RANBP2: variants seen among roughly 807,000 people sequenced by gnomAD.
RANBP2 encodes the protein RAN binding protein 2.
A neutral mutation model predicts 303.6 loss-of-function variants in RANBP2; 57 were observed. The ratio of observed to expected loss-of-function variants is 0.19; its 90% confidence interval spans 0.15 to 0.23. The LOEUF is 0.23. Among genes scored for constraint, RANBP2 ranks in the 10% least tolerant of loss-of-function variants. The pLI, the probability that RANBP2 is intolerant of heterozygous loss-of-function variation, is 1.00. For synonymous variants in RANBP2, 1,167 were observed against 1,301.5 expected, an observed-to-expected ratio of 0.90 and a Z score of 2.23; for missense variants, 3,138 against 3,780.8, an observed-to-expected ratio of 0.83 and a Z score of 4.46.
chr2:109,374,860 A>G, the RANBP2 span, among the ~76,000 whole-genome samples: 1 of 152,174 alleles, frequency 6.6e-6, no homozygotes, highest in Non-Finnish European at 1.5e-5. Flanking sequence ...CCATCAGCGC[A>G]GCTCAGGCCA....
the RANBP2 span, among the ~76,000 whole-genome samples, chr2:109,668,839 C>T: frequency 6.6e-6 from 1 of 152,102 alleles, no homozygotes; most frequent in Non-Finnish European, 1.5e-5. Flanking sequence ...AATTGGAACC[C>T]TCCTAGCCCA....
the RANBP2 span, among the ~76,000 whole-genome samples, chr2:109,197,831 A>G: frequency 6.6e-6 from 1 of 152,090 alleles, no homozygotes; most frequent in Non-Finnish European, 1.5e-5. Flanking sequence ...TTGGGGAGGA[A>G]CTCCAGGAGA....
chr2:109,412,816 G>A, the RANBP2 span, among the ~76,000 whole-genome samples: 9 of 152,366 alleles, frequency 5.9e-5, no homozygotes, highest in African/African-American at 2.2e-4. Flanking sequence ...GCAAAGTTAT[G>A]GTTTGGTATG....
At chr2:109,128,996 C>T in the RANBP2 span, 1 of 425,972 alleles carries the variant, frequency 2.3e-6, no homozygotes, top group Non-Finnish European at 4.7e-6. Context: ...GTGCTCGCGG[C>T]CGAGGAAGAG....
the RANBP2 span, chr2:109,432,767 G>T: frequency 4.1e-6 from 6 of 1,457,982 alleles, no homozygotes; most frequent in African/African-American, 1.4e-5. Flanking sequence ...TGTCAGCCGG[G>T]CCCAGAAGGC....
chr2:109,124,101 C>T, the RANBP2 span, among the ~76,000 whole-genome samples: 1 of 152,092 alleles, frequency 6.6e-6, no homozygotes, highest in Non-Finnish European at 1.5e-5. Context: ...GCCTCCACCT[C>T]CCGGGTTCAA....
the RANBP2 span, among the ~76,000 whole-genome samples, chr2:109,679,632 C>T: frequency 1.3e-4 from 20 of 152,152 alleles, no homozygotes; most frequent in African/African-American, 4.8e-4. Flanking sequence ...TACTTGGCTT[C>T]AAGACTCCTT....
At chr2:109,032,581 C>G in the RANBP2 span, among the ~76,000 whole-genome samples, 7 of 152,034 alleles carry the variant, frequency 4.6e-5, no homozygotes, top group Admixed American at 4.6e-4. Flanking sequence ...TTTCTCCCCT[C>G]CCCATGGGGT....
the RANBP2 span, among the ~76,000 whole-genome samples, chr2:109,726,079 GTGTGTGTGTGTGTGTGTGTT>G: frequency 3.3e-5 from 5 of 151,314 alleles, no homozygotes; most frequent in Admixed American, 3.3e-4. Context: ...GTGTGTGTGT[GTGTGTGTGTGTGTGTGTGTT>G]TGTGTTTTCC....
At chr2:108,962,768 G>A in the RANBP2 span, among the ~76,000 whole-genome samples, 7 of 149,686 alleles carry the variant, frequency 4.7e-5, no homozygotes, top group Admixed American at 1.3e-4. Context: ...TGACACCATC[G>A]CACACACACC....
the RANBP2 span, among the ~76,000 whole-genome samples, chr2:109,257,254 C>T: frequency 6.6e-6 from 1 of 152,096 alleles, no homozygotes. Context: ...GTTGTTCGTT[C>T]TGTGGCCAGG....
At chr2:109,423,320 G>T in the RANBP2 span, among the ~76,000 whole-genome samples, 2,280 of 152,256 alleles carry the variant, frequency 0.015, 60 homozygotes, top group African/African-American at 0.052. Flanking sequence ...CATGTGAGAC[G>T]TGCTCTCTGT....
the RANBP2 span, among the ~76,000 whole-genome samples, chr2:109,287,796 G>T: frequency 2.0e-5 from 3 of 152,096 alleles, no homozygotes; most frequent in East Asian, 1.9e-4. Context: ...TTAAAGCTTC[G>T]CACTGTTGCC....
intron 17 of RANBP2, among the ~76,000 whole-genome samples, chr2:108,758,170 G>A (rs1206047392): frequency 6.6e-6 from 1 of 151,860 alleles, no homozygotes; most frequent in East Asian, 1.9e-4. Context: ...GCTGGCTGAC[G>A]CCTGTAATCC....
intron 1 of RANBP2, among the ~76,000 whole-genome samples, chr2:108,725,616 T>C (rs1243915899): frequency 6.6e-6 from 1 of 151,764 alleles, no homozygotes; most frequent in Non-Finnish European, 1.5e-5. Flanking sequence ...AAAAATTAGC[T>C]GGGCATGGTG....
chr2:108,964,795 G>C, the RANBP2 span, among the ~76,000 whole-genome samples: 1 of 152,150 alleles, frequency 6.6e-6, no homozygotes, highest in Non-Finnish European at 1.5e-5. Context: ...CCAGAGAGCT[G>C]AGGTTCCTAA....
chr2:109,364,228 C>G, the RANBP2 span, among the ~76,000 whole-genome samples: 1 of 151,296 alleles, frequency 6.6e-6, no homozygotes, highest in Admixed American at 6.6e-5. Context: ...GAGATATCCT[C>G]AAGCTCAGAG....
intron 7 of RANBP2, among the ~76,000 whole-genome samples, chr2:108,741,146 T>C (rs541360903): frequency 6.6e-6 from 1 of 152,306 alleles, no homozygotes; most frequent in East Asian, 1.9e-4. Flanking sequence ...GTATTGTGTA[T>C]ATGTAACAGT....
chr2:109,251,999 T>A, the RANBP2 span, among the ~76,000 whole-genome samples: 6 of 152,126 alleles, frequency 3.9e-5, no homozygotes, highest in Non-Finnish European at 5.9e-5. Flanking sequence ...TCCCACCACT[T>A]TGGGAGGCCA....
Sources: gnomAD v4.1 joint callset for allele counts (sites outside exome capture counted in the v4.1 genomes callset) on GRCh38, gnomAD v4.1.1 for gene constraint, MANE v1.5 for transcripts, NCBI Gene and HGNC (gene_info 2026-07-23, HGNC 2026-07-21) for gene names.